The following PRKCE variants were observed in gnomAD, a reference collection of about 807,000 sequenced individuals.
PRKCE encodes protein kinase C epsilon, also known as protein kinase C epsilon type.
Under a neutral mutation model 85.4 loss-of-function variants are expected in PRKCE, and 16 were observed. That is an observed-to-expected ratio of 0.19 (90% CI 0.13 to 0.28). PRKCE has a LOEUF of 0.28. Among genes scored for constraint, PRKCE ranks in the 10% least tolerant of loss-of-function variants. The pLI is 1.00. For synonymous variants in PRKCE, 388 were observed against 371.5 expected (o/e 1.04, Z -0.51); for missense variants, 573 against 975.2 (o/e 0.59, Z 5.49).
intron 14 of PRKCE, among the ~76,000 whole-genome samples, chr2:46,162,630 G>T (rs1677892928): frequency 1.3e-5 from 2 of 152,188 alleles, no homozygotes; most frequent in African/African-American, 4.8e-5. Context: ...AAAAAGGAAG[G>T]CTAAAACGGA....
intron 1 of PRKCE, among the ~76,000 whole-genome samples, chr2:45,689,726 T>C (rs1016500466): frequency 2.6e-5 from 4 of 151,854 alleles, no homozygotes; most frequent in Non-Finnish European, 2.9e-5. Flanking sequence ...TAAAACCCTG[T>C]CTCTACTTAA....
At chr2:45,703,599 AC>A (rs923813436) in intron 1 of PRKCE, among the ~76,000 whole-genome samples, 2 of 152,036 alleles carry the variant, frequency 1.3e-5, no homozygotes, top group Non-Finnish European at 2.9e-5. Context: ...CGGTAGAGGC[AC>A]CTTTTTTTTG....
intron 11 of PRKCE, among the ~76,000 whole-genome samples, chr2:46,096,090 G>A (rs1670655398): frequency 6.6e-6 from 1 of 152,214 alleles, no homozygotes; most frequent in Non-Finnish European, 1.5e-5. Context: ...TACATGGGAA[G>A]CAACATTGTA....
intron 10 of PRKCE, among the ~76,000 whole-genome samples, chr2:46,020,993 C>A (rs1013955387): frequency 2.0e-5 from 3 of 152,140 alleles, no homozygotes; most frequent in Non-Finnish European, 4.4e-5. Flanking sequence ...GAGGCTTAAC[C>A]ATTTGGTCAC....
intron 14 of PRKCE, among the ~76,000 whole-genome samples, chr2:46,164,548 C>A (rs986808121): frequency 6.6e-6 from 1 of 152,218 alleles, no homozygotes; most frequent in Non-Finnish European, 1.5e-5. Flanking sequence ...CCTGAATTAC[C>A]CCACTCCTCA....
chr2:46,028,406 GTTT>G (rs1347440329), intron 10 of PRKCE, among the ~76,000 whole-genome samples: 1 of 152,214 alleles, frequency 6.6e-6, no homozygotes, highest in East Asian at 1.9e-4. Context: ...TCATTTGGCA[GTTT>G]GTATTATGAA....
chr2:46,024,311 T>G (rs1016424004), intron 10 of PRKCE, among the ~76,000 whole-genome samples: 1 of 152,002 alleles, frequency 6.6e-6, no homozygotes, highest in African/African-American at 2.4e-5. Flanking sequence ...AGGACATTTT[T>G]TTTTTTTTTT....
intron 11 of PRKCE, among the ~76,000 whole-genome samples, chr2:46,135,773 T>TTTTTTTTTA (rs1489261334): frequency 1.6e-5 from 2 of 122,726 alleles, no homozygotes; most frequent in South Asian, 2.9e-4. Context: ...TTTTTTTTTT[T>TTTTTTTTTA]AATGTAGGGG....
intron 1 of PRKCE, among the ~76,000 whole-genome samples, chr2:45,711,750 G>A (rs140162229): frequency 6.2e-4 from 95 of 152,112 alleles, no homozygotes; most frequent in Non-Finnish European, 1.0e-3. Flanking sequence ...TCAGCCTCCC[G>A]ACTAGCTGAG....
At chr2:45,822,901 G>T (rs1186139649) in intron 1 of PRKCE, among the ~76,000 whole-genome samples, 1 of 152,042 alleles carries the variant, frequency 6.6e-6, no homozygotes, top group Non-Finnish European at 1.5e-5. Context: ...CCCACTGTAG[G>T]GTATACGATT....
At chr2:46,161,795 A>C (rs870140) in intron 14 of PRKCE, among the ~76,000 whole-genome samples, 103,679 of 151,992 alleles carry the variant, frequency 0.68, 36,311 homozygotes, top group East Asian at 0.88. Flanking sequence ...GGTATAGCAG[A>C]TTCCAGAACA....
intron 2 of PRKCE, among the ~76,000 whole-genome samples, chr2:45,884,253 G>A (rs1468939727): frequency 6.6e-6 from 1 of 152,226 alleles, no homozygotes. Flanking sequence ...CTCAACCTCT[G>A]AGTTCAGTTT....
chr2:45,836,186 G>T (rs1276931232), intron 1 of PRKCE, among the ~76,000 whole-genome samples: 1 of 152,178 alleles, frequency 6.6e-6, no homozygotes, highest in African/African-American at 2.4e-5. Context: ...GGACAGACAG[G>T]GTCCTGCTTT....
At chr2:45,696,922 C>T (rs906414200) in intron 1 of PRKCE, among the ~76,000 whole-genome samples, 1 of 152,084 alleles carries the variant, frequency 6.6e-6, no homozygotes, top group Non-Finnish European at 1.5e-5. Context: ...GACCAGAGCC[C>T]CCAGTCACAG....
intron 2 of PRKCE, among the ~76,000 whole-genome samples, chr2:45,853,040 T>C (rs1692399666): frequency 6.6e-6 from 1 of 152,174 alleles, no homozygotes; most frequent in Non-Finnish European, 1.5e-5. Context: ...CAGGCACCAG[T>C]TCCTACTTGA....
chr2:45,762,735 G>A (rs965205261), intron 1 of PRKCE, among the ~76,000 whole-genome samples: 2 of 152,142 alleles, frequency 1.3e-5, no homozygotes, highest in African/African-American at 4.8e-5. Flanking sequence ...TAGGTCCAGT[G>A]CTAATGCATT....
chr2:46,058,470 G>C (rs1359730559), intron 10 of PRKCE, among the ~76,000 whole-genome samples: 1 of 152,174 alleles, frequency 6.6e-6, no homozygotes, highest in Non-Finnish European at 1.5e-5. Context: ...GAAGAAAAAG[G>C]GTCTGAATTT....
At chr2:45,969,918 C>T (rs1172228282) in intron 2 of PRKCE, among the ~76,000 whole-genome samples, 2 of 152,092 alleles carry the variant, frequency 1.3e-5, no homozygotes, top group East Asian at 1.9e-4. Flanking sequence ...AAGTTGCTGT[C>T]GTTGTAATGT....
intron 2 of PRKCE, among the ~76,000 whole-genome samples, chr2:45,927,026 TG>T (rs1208511446): frequency 6.6e-6 from 1 of 151,932 alleles, no homozygotes; most frequent in African/African-American, 2.4e-5. Flanking sequence ...CATGAACGTG[TG>T]AGTGTGCATG....
Sources: gnomAD v4.1 joint callset for allele counts (sites outside exome capture counted in the v4.1 genomes callset) on GRCh38, gnomAD v4.1.1 for gene constraint, MANE v1.5 for transcripts, NCBI Gene and HGNC (gene_info 2026-07-23, HGNC 2026-07-21) for gene names.